Variants in LRRC37A2 observed in about 807,000 individuals in gnomAD.
The protein encoded by LRRC37A2 is leucine rich repeat containing 37 member A2, also known as leucine-rich repeat-containing protein 37A2.
In LRRC37A2, 9 loss-of-function variants were observed where a neutral mutation model predicts 68.8. The ratio of observed to expected loss-of-function variants is 0.13; its 90% CI spans 0.08 to 0.23. The LOEUF is 0.23. Ranked by LOEUF, LRRC37A2 falls within the 10% of genes least tolerant of loss-of-function variation. LRRC37A2 has a pLI of 1.00. For missense variants in LRRC37A2, 168 were observed against 950.4 expected (o/e 0.18, Z 10.82); for synonymous variants, 63 against 367.6 (o/e 0.17, Z 9.48).
the LRRC37A2 span, among the ~76,000 whole-genome samples, chr17:46,957,506 A>G: frequency 6.6e-6 from 1 of 151,656 alleles, no homozygotes; most frequent in Non-Finnish European, 1.5e-5. Context: ...CCAGCTACAC[A>G]GGAGGCTGAG....
chr17:46,828,837 C>T, the LRRC37A2 span, among the ~76,000 whole-genome samples: 1 of 151,804 alleles, frequency 6.6e-6, no homozygotes. Flanking sequence ...TGGCTCGTGC[C>T]TGTAGTCCCA....
chr17:46,829,546 G>T, the LRRC37A2 span, among the ~76,000 whole-genome samples: 1 of 152,102 alleles, frequency 6.6e-6, no homozygotes, highest in African/African-American at 2.4e-5. Flanking sequence ...TCATTCTCAG[G>T]TGTCTAGGAG....
chr17:46,749,871 C>T, the LRRC37A2 span: 1 of 1,614,138 alleles, frequency 6.2e-7, no homozygotes, highest in Non-Finnish European at 8.5e-7. Context: ...ACGTGCCCAA[C>T]ATTGCCACAG....
the LRRC37A2 span, among the ~76,000 whole-genome samples, chr17:46,675,484 GT>G: frequency 9.1e-6 from 1 of 110,238 alleles, no homozygotes; most frequent in African/African-American, 3.9e-5. Context: ...GCTCTCCTGG[GT>G]CACCAGGTTG....
chr17:46,988,023 TTA>T, the LRRC37A2 span, among the ~76,000 whole-genome samples: 1 of 151,970 alleles, frequency 6.6e-6, no homozygotes, highest in Non-Finnish European at 1.5e-5. Flanking sequence ...AATACAAAAA[TTA>T]GCCAGGCATG....
the LRRC37A2 span, among the ~76,000 whole-genome samples, chr17:46,962,692 A>G: frequency 6.6e-6 from 1 of 152,180 alleles, no homozygotes; most frequent in Admixed American, 6.5e-5. Flanking sequence ...GTCCCTGCCA[A>G]GGTGCCAGAC....
chr17:46,619,782 A>AC, the LRRC37A2 span, among the ~76,000 whole-genome samples: 4 of 88,100 alleles, frequency 4.5e-5, no homozygotes. Context: ...AAAAAAAAAA[A>AC]AAAAAAAAAA....
the LRRC37A2 span, among the ~76,000 whole-genome samples, chr17:46,837,402 T>C: frequency 6.6e-6 from 1 of 151,826 alleles, no homozygotes; most frequent in East Asian, 1.9e-4. Context: ...TGGGAGAATA[T>C]TTGGGGGACT....
At chr17:46,517,166 C>G in intron 2 of LRRC37A2, 196 bp from the exon 2 acceptor site, 1 of 800,838 alleles carries the variant, frequency 1.2e-6, no homozygotes, top group Non-Finnish European at 1.8e-6. Context: ...CAGGAGATGC[C>G]TCATCATTTG....
the LRRC37A2 span, among the ~76,000 whole-genome samples, chr17:47,002,362 A>G: frequency 1.3e-5 from 2 of 148,712 alleles, no homozygotes; most frequent in African/African-American, 5.0e-5. Flanking sequence ...CAATCCAATT[A>G]TACACTCTTA....
At chr17:46,497,655 C>G in the LRRC37A2 span, among the ~76,000 whole-genome samples, 2 of 149,986 alleles carry the variant, frequency 1.3e-5, no homozygotes, top group South Asian at 2.1e-4. Flanking sequence ...AGATATGTAT[C>G]TATACTTTCA....
the LRRC37A2 span, among the ~76,000 whole-genome samples, chr17:46,500,985 GC>G: frequency 6.6e-6 from 1 of 151,110 alleles, no homozygotes; most frequent in Non-Finnish European, 1.5e-5. Context: ...TTTGAGACCA[GC>G]CTGGCTAACA....
At chr17:47,007,398 G>A in the LRRC37A2 span, among the ~76,000 whole-genome samples, 1 of 152,166 alleles carries the variant, frequency 6.6e-6, no homozygotes, top group African/African-American at 2.4e-5. Context: ...AGGCTGGTCT[G>A]GAACTCTGAC....
the LRRC37A2 span, among the ~76,000 whole-genome samples, chr17:46,788,402 A>C: frequency 6.6e-6 from 1 of 152,208 alleles, no homozygotes; most frequent in African/African-American, 2.4e-5. Flanking sequence ...GCTGGTTCCC[A>C]CACCAGGACT....
At chr17:46,984,189 G>A in the LRRC37A2 span, 1 of 152,178 alleles carries the variant, frequency 6.6e-6, no homozygotes, top group Admixed American at 6.5e-5. Flanking sequence ...AGAAAATAGA[G>A]GCCTGGAAAG....
At chr17:46,757,689 CTTATT>C in the LRRC37A2 span, among the ~76,000 whole-genome samples, 1 of 148,746 alleles carries the variant, frequency 6.7e-6, no homozygotes, top group African/African-American at 2.5e-5. Flanking sequence ...ATGCTTTATA[CTTATT>C]TTATCTTACT....
chr17:46,657,984 T>TTTTGTG, the LRRC37A2 span, among the ~76,000 whole-genome samples: 1 of 64,940 alleles, frequency 1.5e-5, no homozygotes. Flanking sequence ...TTTTTTTTTT[T>TTTTGTG]GGCGGGGTGG....
the LRRC37A2 span, chr17:47,021,865 C>T: frequency 6.6e-7 from 1 of 1,509,826 alleles, no homozygotes; most frequent in South Asian, 1.1e-5. Context: ...TCCAAGGAAA[C>T]TATATTTCTT....
the LRRC37A2 span, chr17:46,936,944 T>C: frequency 1.6e-5 from 6 of 366,812 alleles, no homozygotes; most frequent in Non-Finnish European, 2.3e-5. Flanking sequence ...TTCTCTCAGT[T>C]GCTCATTAAT....
Sources: allele counts gnomAD v4.1 joint callset (sites outside exome capture counted in the v4.1 genomes callset), GRCh38; gene constraint gnomAD v4.1.1; transcripts MANE v1.5; gene names NCBI Gene and HGNC (gene_info 2026-07-23, HGNC 2026-07-21).